The following EFL1 variants were observed in gnomAD, a reference collection of about 807,000 sequenced individuals.
EFL1 encodes elongation factor-like GTPase 1.
Under a neutral mutation model 126.7 loss-of-function variants are expected in EFL1, and 76 were observed. The observed-to-expected ratio is 0.60, with a 90% CI of 0.50 to 0.73. The LOEUF (loss-of-function observed/expected upper bound fraction) is 0.73. Ranked by LOEUF, EFL1 falls within the 30% of genes least tolerant of loss-of-function variation. The pLI is 0.00. For synonymous variants in EFL1, 410 were observed against 448.4 expected (o/e 0.91, Z 1.08); for missense variants, 1,128 against 1,343.2 (o/e 0.84, Z 2.50).
Position 82,202,633 on chromosome 15 carries a change from G to C in EFL1, c.1750+12084C>G, listed in dbSNP as rs371758920. On this transcript the variant is annotated intron_variant, in intron 15 of 19. Coordinates refer to ENST00000268206, the MANE Select transcript of EFL1 (RefSeq NM_024580.6). ...AAGAGAGGATCAGAGAGGTTGAAGA[G>C]AAGATCAGAGAGGCCTGTTGCCCAG... Among the ~76,000 whole-genome samples, 16 of 152,288 alleles carry C rather than the reference G, an allele frequency of 1.1e-4. No homozygotes were observed. The East Asian group carries it at 3.1e-3, about 29-fold the overall frequency.
chr15:82,183,067 G>C (rs1017639521), intron 15 of EFL1, among the ~76,000 whole-genome samples: 2 of 152,150 alleles, frequency 1.3e-5, no homozygotes, highest in African/African-American at 4.8e-5. Flanking sequence ...AGGGGAACTG[G>C]GAGGTGACAG....
chr15:82,228,066 A>G, intron 10 of EFL1, 125 bp downstream of exon 10: 4 of 1,207,084 alleles, frequency 3.3e-6, no homozygotes, highest in Non-Finnish European at 4.5e-6. Context: ...AGAACACTAA[A>G]TAAGCAGAGA....
intron 16 of EFL1, 141 bp downstream of exon 16, chr15:82,163,712 T>C (rs1303120749): frequency 2.0e-6 from 2 of 999,290 alleles, no homozygotes; most frequent in Non-Finnish European, 2.8e-6. Flanking sequence ...AGATGCCCTT[T>C]GAAGAGTTGC....
rs552647976 is a variant in EFL1, at chr15:82,157,876, G to T, written c.1883-16C>A. On this transcript the variant is annotated splice_polypyrimidine_tract_variant and intron_variant, in intron 16 of 19. Coordinates refer to ENST00000268206, the MANE Select transcript of EFL1 (RefSeq NM_024580.6). Reference sequence around the variant, plus strand: ...GGCATTTCACCTAGGTTAACAAAACGAAATAGATTAAATATGATATAAGAA... The same window carrying T: ...GGCATTTCACCTAGGTTAACAAAACTAAATAGATTAAATATGATATAAGAA... 6.2e-7 allele frequency: 1 copy of T among 1,607,458 alleles called. No individual in the cohort carries two copies. The highest frequency in any genetic ancestry group is 2.2e-5 in the East Asian group (1 of 44,730).
At chr15:82,160,441 T>C (rs749636229) in intron 16 of EFL1, among the ~76,000 whole-genome samples, 12 of 152,248 alleles carry the variant, frequency 7.9e-5, no homozygotes, top group Non-Finnish European at 1.0e-4. Flanking sequence ...TTACATAGTA[T>C]TAGGTAACTA....
At chr15:82,212,128 T>C (rs922571615) in intron 15 of EFL1, among the ~76,000 whole-genome samples, 3 of 152,190 alleles carry the variant, frequency 2.0e-5, no homozygotes, top group African/African-American at 4.8e-5. Flanking sequence ...GAAACTTCAA[T>C]TCTGTTTGTA....
In EFL1 at chr15:82,196,816, G is replaced by A. The variant is rs528359255; in HGVS notation, c.1750+17901C>T. On this transcript the variant is annotated intron_variant, in intron 15 of 19. Coordinates refer to ENST00000268206, the MANE Select transcript of EFL1 (RefSeq NM_024580.6). ...TGGGAGGCCAAGGCGGGCGGATCAC[G>A]AGGTCAGGAGTTCGAGACCAGCCTG... Among the ~76,000 whole-genome samples, 382 of 152,268 alleles carry A rather than the reference G, an allele frequency of 2.5e-3. 4 individuals carry two copies. The highest frequency in any genetic ancestry group is 1.6e-3 in the Non-Finnish European group (108 of 68,024).
At chr15:82,251,357 T>C (rs917657706) in intron 4 of EFL1, among the ~76,000 whole-genome samples, 5 of 152,132 alleles carry the variant, frequency 3.3e-5, no homozygotes, top group South Asian at 2.1e-4. Context: ...ACCAGAAAGA[T>C]AAATGTGAAT....
chr15:82,222,076 A>G (rs2074717847), intron 12 of EFL1, among the ~76,000 whole-genome samples: 1 of 152,244 alleles, frequency 6.6e-6, no homozygotes, highest in Non-Finnish European at 1.5e-5. Context: ...ACACATTTTT[A>G]TTATTAGAGT....
intron 15 of EFL1, among the ~76,000 whole-genome samples, chr15:82,192,933 TATAA>T (rs1474481844): frequency 6.6e-6 from 1 of 152,184 alleles, no homozygotes; most frequent in Non-Finnish European, 1.5e-5. Context: ...TATGGAAGGC[TATAA>T]GGTGATTTGT....
chr15:82,232,842 A>G (rs2074836001), intron 7 of EFL1, among the ~76,000 whole-genome samples: 1 of 152,084 alleles, frequency 6.6e-6, no homozygotes, highest in Non-Finnish European at 1.5e-5. Context: ...TATTGGTATA[A>G]TCATTTATTG....
intron 19 of EFL1, among the ~76,000 whole-genome samples, chr15:82,135,720 A>T (rs570244302): frequency 6.6e-6 from 1 of 152,364 alleles, no homozygotes; most frequent in East Asian, 1.9e-4. Context: ...AGATGTGGTC[A>T]GATGACTGGT....
At chr15:82,176,976 A>G (rs1425664107) in intron 15 of EFL1, among the ~76,000 whole-genome samples, 1 of 152,248 alleles carries the variant, frequency 6.6e-6, no homozygotes, top group Non-Finnish European at 1.5e-5. Context: ...TGAACCTCAT[A>G]AACAGAATGC....
chr15:82,165,543 C>A (rs939686318), intron 15 of EFL1, among the ~76,000 whole-genome samples: 2 of 152,156 alleles, frequency 1.3e-5, no homozygotes, highest in African/African-American at 2.4e-5. Flanking sequence ...TAACATCCAC[C>A]TGAATATCTA....
intron 14 of EFL1, among the ~76,000 whole-genome samples, chr15:82,218,953 T>C (rs2141301537): frequency 6.6e-6 from 1 of 152,166 alleles, no homozygotes; most frequent in South Asian, 2.1e-4. Flanking sequence ...GAGAGGAGCA[T>C]GGGTTTTTGT....
At chr15:82,251,941 G>A (rs1451700502) in intron 4 of EFL1, among the ~76,000 whole-genome samples, 1 of 152,148 alleles carries the variant, frequency 6.6e-6, no homozygotes, top group African/African-American at 2.4e-5. Flanking sequence ...GAGAGCTACT[G>A]TTAAGGGTTT....
At chr15:82,197,559 A>G (rs2074420888) in intron 15 of EFL1, among the ~76,000 whole-genome samples, 2 of 152,208 alleles carry the variant, frequency 1.3e-5, no homozygotes, top group Admixed American at 1.3e-4. Context: ...ATTCTGCTTC[A>G]TTGCTCACTA....
At chr15:82,201,084 A>C (rs2651705) in intron 15 of EFL1, among the ~76,000 whole-genome samples, 8 of 152,232 alleles carry the variant, frequency 5.3e-5, no homozygotes, top group African/African-American at 1.9e-4. Context: ...CTATGTTGCC[A>C]AGGCTGCCTG....
chr15:82,200,636 A>G (rs376144062), intron 15 of EFL1, among the ~76,000 whole-genome samples: 121 of 152,358 alleles, frequency 7.9e-4, no homozygotes, highest in African/African-American at 2.6e-3. Flanking sequence ...TGAGGGCAGG[A>G]AGAACCAGTT....
Sources: allele counts gnomAD v4.1 joint callset (sites outside exome capture counted in the v4.1 genomes callset), GRCh38; gene constraint gnomAD v4.1.1; transcripts MANE v1.5; gene names NCBI Gene and HGNC (gene_info 2026-07-23, HGNC 2026-07-21).